BRD4: variants seen among roughly 807,000 people sequenced by gnomAD.
BRD4 encodes bromodomain-containing protein 4.
BRD4 carries 16 observed loss-of-function variants against 142.1 expected under a neutral mutation model. The ratio of observed to expected loss-of-function variants is 0.11; its 90% confidence interval spans 0.08 to 0.17. The LOEUF (loss-of-function observed/expected upper bound fraction) is 0.17. Ranked by LOEUF, BRD4 falls within the 10% of genes least tolerant of loss-of-function variation. BRD4 has a pLI of 1.00. For missense variants in BRD4, 1,424 were observed against 1,810.9 expected, an observed-to-expected ratio of 0.79 and a Z score of 3.88; for synonymous variants, 833 against 707.5, an observed-to-expected ratio of 1.18 and a Z score of -2.82.
At chr19:15,298,419 C>T (rs983450140) in intron 1 of BRD4, among the ~76,000 whole-genome samples, 1 of 152,002 alleles carries the variant, frequency 6.6e-6, no homozygotes, top group Admixed American at 6.6e-5. Flanking sequence ...GGGCAGATCA[C>T]GAGCTCAGGA....
At chr19:15,253,279 TC>T in intron 11 of BRD4, 1 of 522,656 alleles carries the variant, frequency 1.9e-6, no homozygotes, top group Non-Finnish European at 3.4e-6. Flanking sequence ...CATGGCTCCC[TC>T]CCTAGCCTCT....
At chr19:15,249,071 G>A (rs1184585724) in intron 11 of BRD4, 5 of 718,622 alleles carry the variant, frequency 7.0e-6, no homozygotes, top group South Asian at 1.9e-5. Flanking sequence ...TGGGCGGCTG[G>A]CCAGGCAGGC....
At chr19:15,301,345 G>A (rs554150027) in intron 1 of BRD4, among the ~76,000 whole-genome samples, 2 of 152,142 alleles carry the variant, frequency 1.3e-5, no homozygotes, top group South Asian at 4.1e-4. Context: ...GGCAAATCAC[G>A]ACGTCAGGAG....
chr19:15,287,066 G>A (rs2047745317), intron 1 of BRD4, among the ~76,000 whole-genome samples: 1 of 152,136 alleles, frequency 6.6e-6, no homozygotes, highest in African/African-American at 2.4e-5. Context: ...AAATCAACCT[G>A]CTCAACTAAA....
At position 15,253,488 on chromosome 19, in the gene BRD4, A is replaced by G. The variant is rs570543450; in HGVS notation, c.2158+664T>C. 7.9e-5 allele frequency: 115 copies of G among 1,449,192 alleles called. No individual in the cohort carries two copies. In the African/African-American group the frequency reaches 1.4e-3, roughly 18 times the overall value. 89.8% of individuals were successfully genotyped at this position (1,449,192 alleles called of 1,614,324 possible). A position where few individuals can be genotyped will look rare whatever the true frequency, so the allele number is the denominator to read the frequency against. ...ACGTGCAGACCCACGGGGCTTGAAA[A>G]GAAGGGACTGTTAGTTAGAACTGCA... On this transcript the variant is annotated intron_variant, in intron 11 of 19. Coordinates refer to ENST00000679869, the MANE Select transcript of BRD4 (RefSeq NM_001379291.1).
At position 15,255,542 on chromosome 19, in the gene BRD4, G is replaced by C. The variant is rs200484332; in HGVS notation, c.1802C>G (p.Ser601Trp). 18 of 1,612,032 alleles carry C rather than the reference G, an allele frequency of 1.1e-5. No individual in the cohort carries two copies. Among genetic ancestry groups the C allele is most frequent in the Non-Finnish European group, 1.5e-5 (18 of 1,178,378 alleles). Residue 601 changes from serine to tryptophan, a missense_variant, in exon 10 of 20, where the codon TCG becomes TGG. Transcript: ENST00000679869. Reference protein sequence around the residue: ...MKSKPPPTYESEEEDKCKPMS... With the variant: ...MKSKPPPTYEWEEEDKCKPMS... ...AGGCTTGCACTTGTCCTCTTCCTCC[G>C]ACTCATACGTGGGAGGGGGCTTGCT...
chr19:15,282,719 T>A (rs2047714280), intron 1 of BRD4, among the ~76,000 whole-genome samples: 1 of 152,212 alleles, frequency 6.6e-6, no homozygotes, highest in Non-Finnish European at 1.5e-5. Context: ...CATTTCCCCA[T>A]CTCCTTTACC....
At position 15,254,301 on chromosome 19, in the gene BRD4, T is replaced by G. The variant is rs768643057; in HGVS notation, c.2048-39A>C. The G allele has an allele frequency of 5.1e-6, 8 of 1,574,572 alleles. 1 individual carries two copies. In the South Asian group the frequency reaches 8.9e-5, roughly 17 times the overall value. ...AATGGGAGCTGGTCAGGCAGGGCTGTGGCCCAGGAAGCCGCTCTAAGCCAT... is the reference window on the plus strand; with the variant it reads ...AATGGGAGCTGGTCAGGCAGGGCTGGGGCCCAGGAAGCCGCTCTAAGCCAT... On this transcript the variant is annotated intron_variant, in intron 10 of 19. Transcript: ENST00000679869.
At chr19:15,296,685 C>T (rs2047825636) in intron 1 of BRD4, among the ~76,000 whole-genome samples, 1 of 152,168 alleles carries the variant, frequency 6.6e-6, no homozygotes, top group African/African-American at 2.4e-5. Context: ...TCCTGACCGT[C>T]CAGCCACACT....
At chr19:15,270,561 C>CAT (rs2047575924) in intron 2 of BRD4, among the ~76,000 whole-genome samples, 1 of 152,198 alleles carries the variant, frequency 6.6e-6, no homozygotes, top group Non-Finnish European at 1.5e-5. Flanking sequence ...CAGTGTGTCA[C>CAT]ATGTCTCAAT....
chr19:15,288,739 G>A (rs2047759085), intron 1 of BRD4, among the ~76,000 whole-genome samples: 1 of 152,248 alleles, frequency 6.6e-6, no homozygotes, highest in South Asian at 2.1e-4. Context: ...CTAAGCCGTG[G>A]CGGGTGCCTG....
At chr19:15,255,214 A>C in intron 10 of BRD4, 83 bp downstream of exon 10, 1 of 1,348,044 alleles carries the variant, frequency 7.4e-7, no homozygotes. Flanking sequence ...GGGGGCGCAG[A>C]AAGAGTGGAC....
chr19:15,243,405 T>TG lies in BRD4; in HGVS notation c.2663dup (p.Ala889SerfsTer28). On this transcript the variant is annotated frameshift_variant, in exon 14 of 20. Transcript: ENST00000679869. LOFTEE classifies it high-confidence loss of function. ...TTTGGGTCAAGGCTGGTGACACGGCTGGGGGCCGGGCGGGCTTGGGAGGCA... is the reference window on the plus strand; with the variant it reads ...TTTGGGTCAAGGCTGGTGACACGGCTGGGGGGCCGGGCGGGCTTGGGAGGCA... 1 of 1,444,444 alleles carries TG rather than the reference T, an allele frequency of 6.9e-7. No homozygotes were observed. Among genetic ancestry groups the TG allele is most frequent in the Non-Finnish European group, 9.1e-7 (1 of 1,095,372 alleles). The allele number at this position is 1,444,444 out of a possible 1,614,324, so 89.5% of individuals were successfully genotyped here.
rs373235795 is a variant in BRD4, at chr19:15,264,509, G to A, written c.1107C>T (p.His369=). ...GILKEMFAKK[H]AAYAWPFYKP... is the part of the protein sequence containing the mutation. The stretch of plus-strand genomic sequence containing the variant: ...TGTAGAAGGGCCAGGCGTAGGCGGC[G>A]TGCTTCTTGGCAAACATCTCCTTGA... Residue 369 remains histidine (H), a synonymous_variant, in exon 6 of 20, where the codon CAC becomes CAT. Transcript: ENST00000679869. 1.6e-5 allele frequency: 26 copies of A among 1,613,788 alleles called. No individual in the cohort carries two copies. The highest frequency in any genetic ancestry group is 1.1e-4 in the East Asian group (5 of 44,854).
chr19:15,271,268 G>A (rs1332621516), intron 2 of BRD4, among the ~76,000 whole-genome samples: 7 of 152,194 alleles, frequency 4.6e-5, no homozygotes, highest in East Asian at 1.9e-4. Flanking sequence ...TTCTGGCACT[G>A]ATGCGTTTCC....
At chr19:15,292,539 G>A (rs1255166895) in intron 1 of BRD4, among the ~76,000 whole-genome samples, 1 of 152,150 alleles carries the variant, frequency 6.6e-6, no homozygotes, top group Non-Finnish European at 1.5e-5. Flanking sequence ...AACACTCTGG[G>A]AGGCCGAGGC....
intron 13 of BRD4, 29 bp from the exon 14 acceptor site, chr19:15,243,516 G>A (rs2145512562): frequency 6.6e-7 from 1 of 1,523,306 alleles, no homozygotes; most frequent in Admixed American, 2.2e-5. Context: ...GAGGCGGTGA[G>A]GCCTGAGCAC....
At chr19:15,246,154 C>T (rs765873842) in intron 11 of BRD4, among the ~76,000 whole-genome samples, 10 of 152,226 alleles carry the variant, frequency 6.6e-5, no homozygotes, top group Non-Finnish European at 1.0e-4. Flanking sequence ...ATACAGGGCT[C>T]AGGACGCTCT....
chr19:15,253,888 C>T (rs1455458596), intron 11 of BRD4: 15 of 1,012,846 alleles, frequency 1.5e-5, no homozygotes, highest in Middle Eastern at 5.6e-4. Flanking sequence ...GCAGTGTCAA[C>T]GCCCTTGGCC....
Sources: allele counts gnomAD v4.1 joint callset (sites outside exome capture counted in the v4.1 genomes callset), GRCh38; gene constraint gnomAD v4.1.1; transcripts MANE v1.5; gene names NCBI Gene and HGNC (gene_info 2026-07-23, HGNC 2026-07-21).